Variants in RARB observed in about 807,000 individuals in gnomAD.
RARB encodes HBV-activated protein.
In RARB, 17 loss-of-function variants were observed where a neutral mutation model predicts 51.9. The ratio of observed to expected loss-of-function variants is 0.33; its 90% confidence interval spans 0.22 to 0.49. The LOEUF is 0.49. RARB is among the 20% of genes least tolerant of loss of function. The pLI, the probability that RARB is intolerant of heterozygous loss-of-function variation, is 0.99. For missense variants in RARB, 369 were observed against 550.8 expected (o/e 0.67, Z 3.30); for synonymous variants, 215 against 195.4 (o/e 1.10, Z -0.84).
At chr3:24,964,214 T>G (rs1041860541) in intron 2 of RARB, among the ~76,000 whole-genome samples, 3 of 152,180 alleles carry the variant, frequency 2.0e-5, no homozygotes, top group Non-Finnish European at 4.4e-5. Flanking sequence ...TGGAAATGTT[T>G]TCTGCTAATT....
At chr3:25,260,097 C>A in intron 5 of RARB, 1 of 712,628 alleles carries the variant, frequency 1.4e-6, no homozygotes. Flanking sequence ...TGAGTTTCAG[C>A]TTTGTTTGTT....
At chr3:25,088,122 G>A (rs768252032) in intron 3 of RARB, among the ~76,000 whole-genome samples, 6 of 151,948 alleles carry the variant, frequency 3.9e-5, no homozygotes, top group Non-Finnish European at 7.4e-5. Flanking sequence ...GGGATCTAAG[G>A]CAAGGGGTCA....
chr3:25,473,841 A>G (rs1238495082), intron 2 of RARB, among the ~76,000 whole-genome samples: 1 of 151,784 alleles, frequency 6.6e-6, no homozygotes, highest in Non-Finnish European at 1.5e-5. Flanking sequence ...TGCAAAGTAA[A>G]TATTTCAATA....
At chr3:25,160,219 A>T (rs1700451344) in intron 4 of RARB, among the ~76,000 whole-genome samples, 2 of 152,224 alleles carry the variant, frequency 1.3e-5, no homozygotes, top group African/African-American at 2.4e-5. Context: ...GCTGCAGATA[A>T]ATAAATGACC....
intron 1 of RARB, among the ~76,000 whole-genome samples, chr3:25,431,713 T>C (rs1013895764): frequency 2.0e-5 from 3 of 152,186 alleles, no homozygotes; most frequent in Non-Finnish European, 4.4e-5. Context: ...CTTTTCTCCC[T>C]ACTCAACACA....
At chr3:25,466,792 T>C (rs1053990342) in intron 2 of RARB, among the ~76,000 whole-genome samples, 2 of 152,224 alleles carry the variant, frequency 1.3e-5, no homozygotes, top group Non-Finnish European at 2.9e-5. Context: ...ACTCTGTCAC[T>C]GTAGCATGAA....
intron 5 of RARB, among the ~76,000 whole-genome samples, chr3:25,189,645 G>A (rs142013847): frequency 9.9e-5 from 15 of 152,188 alleles, no homozygotes; most frequent in Non-Finnish European, 2.1e-4. Flanking sequence ...CCAGCACTTT[G>A]AGAAGCTGAG....
At chr3:25,308,709 A>G (rs150178906) in intron 5 of RARB, among the ~76,000 whole-genome samples, 2,707 of 152,116 alleles carry the variant, frequency 0.018, 46 homozygotes, top group African/African-American at 0.041. Flanking sequence ...CAGCCTCCCA[A>G]AGTGCTGGGA....
At chr3:25,295,950 A>C (rs185760536) in intron 5 of RARB, among the ~76,000 whole-genome samples, 5 of 152,328 alleles carry the variant, frequency 3.3e-5, no homozygotes, top group African/African-American at 1.2e-4. Flanking sequence ...TTTAGAGAAA[A>C]GGGAGCTTTG....
chr3:25,228,963 C>T (rs974824871), intron 5 of RARB, among the ~76,000 whole-genome samples: 2 of 152,090 alleles, frequency 1.3e-5, no homozygotes, highest in African/African-American at 2.4e-5. Flanking sequence ...ACAATATGCT[C>T]TCCTTGTTGC....
chr3:25,443,021 A>G (rs1008682781), intron 1 of RARB, among the ~76,000 whole-genome samples: 1 of 152,106 alleles, frequency 6.6e-6, no homozygotes, highest in Non-Finnish European at 1.5e-5. Context: ...CTTCTGGGAA[A>G]TACCATGAGC....
intron 5 of RARB, among the ~76,000 whole-genome samples, chr3:25,321,851 G>C (rs952441760): frequency 1.1e-4 from 16 of 150,754 alleles, no homozygotes; most frequent in African/African-American, 3.4e-4. Flanking sequence ...TAATTTCAAT[G>C]TGATGTTCTC....
intron 2 of RARB, among the ~76,000 whole-genome samples, chr3:24,963,847 C>A (rs1696196338): frequency 6.6e-6 from 1 of 150,740 alleles, no homozygotes; most frequent in Admixed American, 6.6e-5. Flanking sequence ...TTTGATTAAT[C>A]TTTAAAAGGA....
chr3:25,146,256 T>A (rs943998335), intron 4 of RARB, among the ~76,000 whole-genome samples: 1 of 152,234 alleles, frequency 6.6e-6, no homozygotes, highest in Non-Finnish European at 1.5e-5. Context: ...TTGATCTAAA[T>A]GTTCAATTAG....
intron 4 of RARB, among the ~76,000 whole-genome samples, chr3:25,155,818 G>A (rs1185892993): frequency 6.6e-6 from 1 of 152,188 alleles, no homozygotes; most frequent in Non-Finnish European, 1.5e-5. Context: ...CAGCCCATCT[G>A]CAAAGCATAC....
intron 5 of RARB, among the ~76,000 whole-genome samples, chr3:25,299,796 G>A (rs1224867550): frequency 1.3e-5 from 2 of 152,142 alleles, no homozygotes; most frequent in Non-Finnish European, 2.9e-5. Flanking sequence ...CAGAGATTCT[G>A]CTGTAGGAAG....
At chr3:25,490,408 C>T (rs973016872) in intron 2 of RARB, among the ~76,000 whole-genome samples, 2 of 152,170 alleles carry the variant, frequency 1.3e-5, no homozygotes, top group African/African-American at 4.8e-5. Context: ...TGGTGATGTG[C>T]CTTGCCGTCA....
chr3:25,003,931 A>G (rs886132603), intron 2 of RARB, among the ~76,000 whole-genome samples: 11 of 152,186 alleles, frequency 7.2e-5, no homozygotes, highest in Admixed American at 1.3e-4. Context: ...TTAACCTAAG[A>G]AAACAGATTG....
intron 3 of RARB, among the ~76,000 whole-genome samples, chr3:25,096,727 C>A (rs1230955456): frequency 6.6e-6 from 1 of 152,074 alleles, no homozygotes; most frequent in African/African-American, 2.4e-5. Flanking sequence ...CCTAGTATCT[C>A]AAGATGATTA....
Sources: allele counts gnomAD v4.1 joint callset (sites outside exome capture counted in the v4.1 genomes callset), GRCh38; gene constraint gnomAD v4.1.1; transcripts MANE v1.5; gene names NCBI Gene and HGNC (gene_info 2026-07-23, HGNC 2026-07-21).